The following KANTR variants were observed in gnomAD, a reference collection of about 807,000 sequenced individuals.
KANTR encodes KDM5C adjacent transcript.
At chrX:53,143,150 A>C, downstream of KANTR, 1 of 992,428 alleles carries the variant, frequency 1.0e-6, no homozygotes, top group Non-Finnish European at 1.4e-6. Context: ...ACCTGCAGAC[A>C]CCAGAACCAC....
intron 1 of KANTR, among the ~76,000 whole-genome samples, chrX:53,095,579 TAAAGGA>T (rs1221602361): frequency 9.1e-6 from 1 of 110,351 alleles, no homozygotes; most frequent in Non-Finnish European, 1.9e-5. Flanking sequence ...TAGAGAGTAG[TAAAGGA>T]AGAGTAATAT....
intron 2 of KANTR, chrX:53,113,328 A>C (rs1042091893): frequency 1.1e-4 from 14 of 123,751 alleles, no homozygotes; most frequent in African/African-American, 4.0e-4. Flanking sequence ...CACACACACA[A>C]AAAAAAACCC....
downstream of KANTR, among the ~76,000 whole-genome samples, chrX:53,144,694 G>A (rs1187843511): frequency 8.9e-6 from 1 of 111,792 alleles, no homozygotes; most frequent in Non-Finnish European, 1.9e-5. Context: ...ATACATGAGT[G>A]TAGGGAATAC....
chrX:53,124,051 TCTGC>T, exon 3 of KANTR: 1 of 198,319 alleles, frequency 5.0e-6, no homozygotes, highest in Non-Finnish European at 8.4e-6. Flanking sequence ...AGTGGAAGAA[TCTGC>T]CTGCTATTTT....
intron 2 of KANTR, among the ~76,000 whole-genome samples, chrX:53,137,323 T>C (rs1293042524): frequency 8.9e-6 from 1 of 112,103 alleles, no homozygotes; most frequent in Non-Finnish European, 1.9e-5. Flanking sequence ...GCCTTTCTAT[T>C]TGTGCCATTT....
intron 1 of KANTR, among the ~76,000 whole-genome samples, chrX:53,097,479 A>G (rs1449696515): frequency 9.9e-6 from 1 of 100,650 alleles, no homozygotes; most frequent in African/African-American, 3.6e-5. Flanking sequence ...CAGCTTCCAG[A>G]GTAGCTGGGA....
At chrX:53,134,191 G>A (rs191196493) in intron 2 of KANTR, among the ~76,000 whole-genome samples, 1,135 of 110,621 alleles carry the variant, frequency 0.01, 15 homozygotes, top group African/African-American at 0.035. Context: ...GAGAAATCCC[G>A]TATCTACTAA....
chrX:53,103,816 CCTT>C (rs1256149768), intron 2 of KANTR, among the ~76,000 whole-genome samples: 8 of 111,555 alleles, frequency 7.2e-5, no homozygotes, highest in African/African-American at 2.6e-4. Context: ...ACATACTCTG[CCTT>C]CTTCTCTGTA....
In KANTR at chrX:53,096,366, CA is replaced by C. The variant is rs781928199; in HGVS notation, c.-942+2083del. ...TTGAATGAATAAAAGAACAAATGAA[CA>C]GGTTTTTCACCTACATTACTGGTGA... On this transcript the variant is annotated intron_variant, in intron 1 of 2. Transcript: ENST00000604062. 7.1e-5 allele frequency among the ~76,000 whole-genome samples: 8 copies of C among 112,337 alleles called. 2 individuals carry two copies. In the South Asian group the frequency reaches 2.9e-3, roughly 41 times the overall value.
chrX:53,118,043 T>C (rs1369162896), intron 2 of KANTR, among the ~76,000 whole-genome samples: 2 of 112,384 alleles, frequency 1.8e-5, no homozygotes, highest in East Asian at 5.5e-4. Context: ...AGACAAATTA[T>C]CCATTCATCC....
At chrX:53,102,984 GT>G (rs150831481) in intron 2 of KANTR, among the ~76,000 whole-genome samples, 2,149 of 73,719 alleles carry the variant, frequency 0.029, 62 homozygotes, top group African/African-American at 0.095. Context: ...TGTTTTGTTT[GT>G]TTTTTTTTTT....
At chrX:53,113,337 C>T (rs781998215) in intron 2 of KANTR, 8 of 120,522 alleles carry the variant, frequency 6.6e-5, no homozygotes, top group African/African-American at 2.3e-4. Flanking sequence ...AAAAAAAAAC[C>T]CTAATTTTTA....
At chrX:53,114,600 G>A (rs1460898606) in intron 2 of KANTR, among the ~76,000 whole-genome samples, 2 of 112,093 alleles carry the variant, frequency 1.8e-5, no homozygotes, top group Non-Finnish European at 3.8e-5. Context: ...GGTTTGGCCT[G>A]GAGCCTGGAT....
chrX:53,130,371 G>C (rs897685861), downstream of KANTR, among the ~76,000 whole-genome samples: 1 of 111,768 alleles, frequency 8.9e-6, no homozygotes, highest in Admixed American at 9.5e-5. Context: ...TGTCACTTGC[G>C]AGTATGGTAG....
At chrX:53,143,815 G>T, downstream of KANTR, 1 of 496,174 alleles carries the variant, frequency 2.0e-6, no homozygotes, top group Non-Finnish European at 3.7e-6. Flanking sequence ...CCTGATGATG[G>T]AGGGGAACAC....
At chrX:53,102,586 G>T (rs1432681944) in intron 2 of KANTR, among the ~76,000 whole-genome samples, 1 of 111,973 alleles carries the variant, frequency 8.9e-6, no homozygotes, top group Non-Finnish European at 1.9e-5. Context: ...CAGTTTTGTT[G>T]ACTTTGATTC....
chrX:53,096,041 A>T (rs1272032928), intron 1 of KANTR, among the ~76,000 whole-genome samples: 1 of 110,906 alleles, frequency 9.0e-6, no homozygotes, highest in Non-Finnish European at 1.9e-5. Flanking sequence ...CACAAGGCTC[A>T]GGCCCTTGCT....
intron 2 of KANTR, among the ~76,000 whole-genome samples, chrX:53,104,482 C>A (rs185657643): frequency 3.4e-4 from 38 of 110,548 alleles, no homozygotes; most frequent in Non-Finnish European, 5.1e-4. Context: ...CCGCCTCGGC[C>A]TCCCAAACAT....
chrX:53,146,803 T>C (rs1201435499), downstream of KANTR, among the ~76,000 whole-genome samples: 2 of 111,036 alleles, frequency 1.8e-5, no homozygotes, highest in Non-Finnish European at 1.9e-5. Context: ...CAGAAGAGAG[T>C]GGGGGCCAAC....
Sources: gnomAD v4.1 joint callset for allele counts (sites outside exome capture counted in the v4.1 genomes callset) on GRCh38, gnomAD v4.1.1 for gene constraint, MANE v1.5 for transcripts, NCBI Gene and HGNC (gene_info 2026-07-23, HGNC 2026-07-21) for gene names.